Variants in SULT4A1 observed in about 807,000 individuals in gnomAD.
SULT4A1 encodes the protein sulfotransferase 4A1.
A neutral mutation model predicts 35.2 loss-of-function variants in SULT4A1; 11 were observed. The ratio of observed to expected loss-of-function variants is 0.31; its 90% CI spans 0.20 to 0.52. The LOEUF (loss-of-function observed/expected upper bound fraction) is 0.52, where lower values mean the gene tolerates loss of function less well. Ranked by LOEUF, SULT4A1 falls within the 20% of genes least tolerant of loss-of-function variation. The pLI, the probability that SULT4A1 is intolerant of heterozygous loss-of-function variation, is 0.97. For synonymous variants in SULT4A1, 152 were observed against 151.8 expected (o/e 1.00, Z -0.01); for missense variants, 271 against 383.7 (o/e 0.71, Z 2.45).
chr22:43,840,136 G>T, intron 2 of SULT4A1, 111 bp from the exon 3 acceptor site: 2 of 772,046 alleles, frequency 2.6e-6, no homozygotes, highest in African/African-American at 1.8e-5. Flanking sequence ...GGGTTCAGGG[G>T]AAGTGGAGTT....
chr22:43,830,998 G>A (rs1459248533), intron 5 of SULT4A1, among the ~76,000 whole-genome samples: 1 of 152,194 alleles, frequency 6.6e-6, no homozygotes, highest in Non-Finnish European at 1.5e-5. Flanking sequence ...ATGCCAATTA[G>A]AAGGCGAAAC....
chr22:43,860,783 C>T (rs2049457722), intron 1 of SULT4A1, among the ~76,000 whole-genome samples: 3 of 152,270 alleles, frequency 2.0e-5, no homozygotes, highest in Middle Eastern at 3.4e-3. Context: ...CATTTTAAAG[C>T]CTCCAAGAAA....
chr22:43,833,765 C>A (rs570352658), intron 4 of SULT4A1, 31 bp from the exon 5 acceptor site: 18 of 1,544,622 alleles, frequency 1.2e-5, no homozygotes, highest in African/African-American at 4.1e-5. Flanking sequence ...GTGAGCCACA[C>A]GGCTGGGCAG....
intron 5 of SULT4A1, 113 bp from the exon 6 acceptor site, chr22:43,829,311 T>A: frequency 8.2e-7 from 1 of 1,224,606 alleles, no homozygotes; most frequent in South Asian, 1.7e-5. Context: ...CTTCCTTACT[T>A]AATGCTCACA....
At chr22:43,840,601 G>A (rs114323558) in intron 2 of SULT4A1, among the ~76,000 whole-genome samples, 2,275 of 152,280 alleles carry the variant, frequency 0.015, 55 homozygotes, top group African/African-American at 0.053. Flanking sequence ...GCAGCAGGAG[G>A]CACCAGCCCC....
At chr22:43,834,118 A>G (rs1450510622) in intron 4 of SULT4A1, among the ~76,000 whole-genome samples, 4 of 152,184 alleles carry the variant, frequency 2.6e-5, no homozygotes, top group Non-Finnish European at 5.9e-5. Context: ...AGGGTGGGGT[A>G]TAGGAAGCTG....
intron 5 of SULT4A1, 44 bp downstream of exon 5, chr22:43,833,596 G>A (rs756542493): frequency 1.9e-5 from 28 of 1,501,090 alleles, no homozygotes; most frequent in Admixed American, 5.9e-5. Flanking sequence ...CTGCCAGGCC[G>A]AGGGCCAGGG....
Position 43,837,201 on chromosome 22 carries a change from C to T in SULT4A1, c.508+1666G>A, listed in dbSNP as rs374610672. Among the ~76,000 whole-genome samples, 55 of 152,238 alleles carry T rather than the reference C, an allele frequency of 3.6e-4. 1 individual carries two copies. Among genetic ancestry groups the T allele is most frequent in the African/African-American group, 1.3e-3 (54 of 41,462 alleles). On this transcript the variant is annotated intron_variant, in intron 4 of 6. Coordinates refer to ENST00000330884, the MANE Select transcript of SULT4A1 (RefSeq NM_014351.4). ...CACTGAGTGACAATGAAGGACGGAG[C>T]ACAGGGGTGCTGAGTGGGCCTGTCT...
chr22:43,857,886 C>T (rs942108233), intron 1 of SULT4A1, among the ~76,000 whole-genome samples: 1 of 151,030 alleles, frequency 6.6e-6, no homozygotes, highest in Non-Finnish European at 1.5e-5. Flanking sequence ...CCTATCTCTA[C>T]AAAAATACAA....
intron 1 of SULT4A1, among the ~76,000 whole-genome samples, chr22:43,850,526 C>A (rs2063503753): frequency 6.6e-6 from 1 of 152,170 alleles, no homozygotes; most frequent in Non-Finnish European, 1.5e-5. Flanking sequence ...CTCTAACAAG[C>A]CTCAACGTGG....
chr22:43,857,135 A>C (rs918403316), intron 1 of SULT4A1, among the ~76,000 whole-genome samples: 2 of 152,208 alleles, frequency 1.3e-5, no homozygotes, highest in African/African-American at 4.8e-5. Context: ...AAAACATAAC[A>C]GAAACATTGA....
intron 1 of SULT4A1, 50 bp downstream of exon 1, chr22:43,862,164 G>T: frequency 1.4e-6 from 2 of 1,380,432 alleles, no homozygotes; most frequent in Non-Finnish European, 1.9e-6. Flanking sequence ...ACGCGGCCGC[G>T]CTGCAGGGCT....
Position 43,862,276 on chromosome 22 carries a change from T to C in SULT4A1, c.107A>G (p.Glu36Gly). 1 of 1,571,084 alleles carries C rather than the reference T, an allele frequency of 6.4e-7. No homozygotes were observed. The highest frequency in any genetic ancestry group is 8.6e-7 in the Non-Finnish European group (1 of 1,157,938). ...RLPPFCRGKM[E>G]EIANFPVRPS... is the part of the protein sequence containing the mutation. ...CCGCACCGGGAAGTTGGCGATCTCC[T>C]CCATCTTCCCGCGGCAGAAGGGCGG... The change falls in exon 1 of 7, where the codon GAG becomes GGG. Residue 36 changes from glutamate to glycine, a missense_variant. Transcript: ENST00000330884.
intron 4 of SULT4A1, among the ~76,000 whole-genome samples, chr22:43,838,653 G>A (rs1050769917): frequency 6.6e-6 from 1 of 152,222 alleles, no homozygotes; most frequent in African/African-American, 2.4e-5. Context: ...TCTGGGTTCA[G>A]ATGGACCTGC....
At position 43,825,836 on chromosome 22, in the gene SULT4A1, G is replaced by A. The variant is rs555063145; in HGVS notation, c.*165C>T. On this transcript the variant is annotated 3_prime_UTR_variant, in exon 7 of 7. Coordinates refer to ENST00000330884, the MANE Select transcript of SULT4A1 (RefSeq NM_014351.4). ...TCTAAAGGCGAGACAGCTGCTTTCG[G>A]TTGGGAATCATCACACTCCCTCCGC... 39 of 652,514 alleles carry A rather than the reference G, an allele frequency of 6.0e-5. No individual in the cohort carries two copies. In the African/African-American group the frequency reaches 6.2e-4, roughly 10 times the overall value. 40.4% of individuals were successfully genotyped at this position (652,514 alleles called of 1,614,324 possible). A position where few individuals can be genotyped will look rare whatever the true frequency, so the allele number is the denominator to read the frequency against.
rs375149693 is a variant in SULT4A1, at chr22:43,838,976, G to A, written c.399C>T (p.Arg133=). ...AAGACACCACCAGATCCTTGGGGTTGCGAGCCATATAGATGACCTGTGGGT... is the reference window on the plus strand; with the variant it reads ...AAGACACCACCAGATCCTTGGGGTTACGAGCCATATAGATGACCTGTGGGT... ...NGDSKVIYMA[R]NPKDLVVSYY... Residue 133 remains arginine (R), a synonymous_variant, in exon 4 of 7, where the codon CGC becomes CGT. Coordinates refer to ENST00000330884, the MANE Select transcript of SULT4A1 (RefSeq NM_014351.4). 4.3e-6 allele frequency: 7 copies of A among 1,614,038 alleles called. No individual in the cohort carries two copies. Among genetic ancestry groups the A allele is most frequent in the Non-Finnish European group, 5.9e-6 (7 of 1,180,000 alleles).
chr22:43,859,440 C>T (rs1603410483), intron 1 of SULT4A1, among the ~76,000 whole-genome samples: 1 of 152,226 alleles, frequency 6.6e-6, no homozygotes, highest in Admixed American at 6.5e-5. Flanking sequence ...AGCCAGGGAC[C>T]GTATTTCAAA....
At chr22:43,855,278 T>C (rs1472899044) in intron 1 of SULT4A1, among the ~76,000 whole-genome samples, 1 of 152,166 alleles carries the variant, frequency 6.6e-6, no homozygotes, top group Non-Finnish European at 1.5e-5. Flanking sequence ...ACCCAAAAAA[T>C]GGCCTATTTC....
At chr22:43,850,579 T>TGG (rs1300055665) in intron 1 of SULT4A1, among the ~76,000 whole-genome samples, 1 of 152,172 alleles carries the variant, frequency 6.6e-6, no homozygotes, top group Non-Finnish European at 1.5e-5. Context: ...GTTTGCTGCT[T>TGG]GGGGACATGC....
Sources: allele counts gnomAD v4.1 joint callset (sites outside exome capture counted in the v4.1 genomes callset), GRCh38; gene constraint gnomAD v4.1.1; transcripts MANE v1.5; gene names NCBI Gene and HGNC (gene_info 2026-07-23, HGNC 2026-07-21).